The following PSIP1 variants were observed in gnomAD, a reference collection of about 807,000 sequenced individuals.
The protein encoded by PSIP1 is PC4 and SRSF1 interacting protein 1.
Under a neutral mutation model 74.7 loss-of-function variants are expected in PSIP1, and 19 were observed. The ratio of observed to expected loss-of-function variants is 0.25; its 90% CI spans 0.18 to 0.37. The LOEUF (loss-of-function observed/expected upper bound fraction) is 0.37, where lower values mean the gene tolerates loss of function less well. Among genes scored for constraint, PSIP1 ranks in the 10% least tolerant of loss-of-function variants. The pLI, the probability that PSIP1 is intolerant of heterozygous loss-of-function variation, is 1.00. For synonymous variants in PSIP1, 222 were observed against 195.3 expected (o/e 1.14, Z -1.14); for missense variants, 601 against 614.3 (o/e 0.98, Z 0.23).
At position 15,469,877 on chromosome 9, in the gene PSIP1, TG is replaced by T. The variant is rs1275347220; in HGVS notation, c.1033+60del. 4.2e-5 allele frequency: 59 copies of T among 1,393,524 alleles called. No homozygotes were observed. The Middle Eastern group carries it at 1.5e-3, about 36-fold the overall frequency. 86.3% of individuals were successfully genotyped at this position (1,393,524 alleles called of 1,614,324 possible). On this transcript the variant is annotated intron_variant, in intron 11 of 15. Transcript: ENST00000380733. ...TCCAAAACCAATACATGAAAAGTTA[TG>T]TCTATATAACTTCTTTTCCATGTAT...
rs1488962864 is a variant in PSIP1, at chr9:15,464,610, A to G, written c.*910T>C. The G allele has an allele frequency of 5.1e-6, 1 of 197,508 alleles. No individual in the cohort carries two copies. The highest frequency in any genetic ancestry group is 8.0e-5 in the East Asian group (1 of 12,474). 12.2% of individuals were successfully genotyped at this position (197,508 alleles called of 1,614,324 possible). ...GAGTTTCCTTATATAACATTTATTC[A>G]TATTTATTGTATAAGCATCATGATT... On this transcript the variant is annotated 3_prime_UTR_variant, in exon 16 of 16. Coordinates refer to ENST00000380733, the MANE Select transcript of PSIP1 (RefSeq NM_033222.5).
chr9:15,490,227 A>C, intron 3 of PSIP1, 103 bp from the exon 4 acceptor site: 4 of 1,075,342 alleles, frequency 3.7e-6, no homozygotes, highest in Non-Finnish European at 3.8e-6. Context: ...CAGAACCTAA[A>C]CTGCATTACA....
chr9:15,479,469 G>T, intron 7 of PSIP1, 122 bp downstream of exon 7: 1 of 628,088 alleles, frequency 1.6e-6, no homozygotes, highest in Non-Finnish European at 2.7e-6. Flanking sequence ...TTTGAAATCT[G>T]TATGTTACAC....
At chr9:15,483,997 G>A (rs2036448534) in intron 6 of PSIP1, among the ~76,000 whole-genome samples, 1 of 151,026 alleles carries the variant, frequency 6.6e-6, no homozygotes, top group Non-Finnish European at 1.5e-5. Flanking sequence ...GCGTGGTGGT[G>A]CACGTCTGTA....
chr9:15,495,857 T>A (rs2037050121), intron 3 of PSIP1, among the ~76,000 whole-genome samples: 1 of 152,252 alleles, frequency 6.6e-6, no homozygotes, highest in Non-Finnish European at 1.5e-5. Flanking sequence ...ACAATTAGTG[T>A]CTCTCCAACT....
intron 3 of PSIP1, among the ~76,000 whole-genome samples, chr9:15,490,802 C>G (rs2036798415): frequency 6.6e-6 from 1 of 151,228 alleles, no homozygotes; most frequent in African/African-American, 2.4e-5. Flanking sequence ...AGTTTCACTT[C>G]AAAATAACTT....
chr9:15,467,664 A>G lies in PSIP1; in HGVS notation c.1421-805T>C, dbSNP rs2035691601. Among the ~76,000 whole-genome samples, 4 of 152,250 alleles carry G rather than the reference A, an allele frequency of 2.6e-5. No homozygotes were observed. In the South Asian group the frequency reaches 8.3e-4, roughly 31 times the overall value. ...CTGGATGACAAGGACATGAGAAGTT[A>G]TTTCTATTTGTATAAGTTATAAATT... On this transcript the variant is annotated intron_variant, in intron 14 of 15. Coordinates refer to ENST00000380733, the MANE Select transcript of PSIP1 (RefSeq NM_033222.5).
At chr9:15,500,471 CA>C (rs142387253) in intron 3 of PSIP1, among the ~76,000 whole-genome samples, 16 of 136,140 alleles carry the variant, frequency 1.2e-4, no homozygotes, top group East Asian at 8.4e-4. Context: ...ACTCTGTCTC[CA>C]AAAAAAAAAG....
intron 3 of PSIP1, among the ~76,000 whole-genome samples, chr9:15,493,726 G>T (rs979395678): frequency 6.6e-6 from 1 of 152,148 alleles, no homozygotes; most frequent in African/African-American, 2.4e-5. Context: ...CGCAAGCAGG[G>T]GAAATGCCAG....
chr9:15,477,838 G>C (rs111485439), intron 8 of PSIP1, among the ~76,000 whole-genome samples: 27 of 152,042 alleles, frequency 1.8e-4, no homozygotes, highest in African/African-American at 6.5e-4. Flanking sequence ...TTCTAGAGGA[G>C]ATAAAAAAAA....
chr9:15,469,987 A>G lies in PSIP1; in HGVS notation c.984T>C (p.Asn328=). Residue 328 remains asparagine, a synonymous_variant, in exon 11 of 16, where the codon AAT becomes AAC. Transcript: ENST00000380733. ...CTTCTGGCTTCTTTCCTTCATCTTT[A>G]TTCTGCCTATCAAATGTTAACAAAA... ...QEEQMETEQQ[N]KDEGKKPEVK... is the part of the protein sequence containing the mutation. 1 of 1,606,064 alleles carries G rather than the reference A, an allele frequency of 6.2e-7. No individual in the cohort carries two copies. The highest frequency in any genetic ancestry group is 8.5e-7 in the Non-Finnish European group (1 of 1,177,480).
At chr9:15,470,042 A>C (rs767387365) in intron 10 of PSIP1, 49 bp from the exon 11 acceptor site, 9 of 1,424,514 alleles carry the variant, frequency 6.3e-6, no homozygotes, top group Non-Finnish European at 8.8e-6. Flanking sequence ...TTTTGTGACT[A>C]AATGCCCACA....
chr9:15,485,222 G>C (rs1359370884), intron 6 of PSIP1, among the ~76,000 whole-genome samples: 1 of 152,158 alleles, frequency 6.6e-6, no homozygotes, highest in Non-Finnish European at 1.5e-5. Context: ...TTTATGGTGT[G>C]TTAATAATGA....
rs2035464237 is a variant in PSIP1 at position 15,464,356 on chromosome 9, G to T, written c.*1164C>A. On this transcript the variant is annotated 3_prime_UTR_variant, in exon 16 of 16. Transcript: ENST00000380733. Reference sequence around the variant, plus strand: ...ATATTCATATAATTTCAAAACATGAGAAGTATCCTACTTGCTGAGAAGTGC... The same window carrying T: ...ATATTCATATAATTTCAAAACATGATAAGTATCCTACTTGCTGAGAAGTGC... 1 of 194,652 alleles carries T rather than the reference G, an allele frequency of 5.1e-6. No homozygotes were observed. The highest frequency in any genetic ancestry group is 6.1e-5 in the Admixed American group (1 of 16,366). 12.1% of individuals were successfully genotyped at this position (194,652 alleles called of 1,614,324 possible). A position where few individuals can be genotyped will look rare whatever the true frequency, so the allele number is the denominator to read the frequency against.
rs201414846 is a variant in PSIP1 at position 15,506,528 on chromosome 9, C to G, written c.149+33G>C. 421 of 1,474,970 alleles carry G rather than the reference C, an allele frequency of 2.9e-4. No homozygotes were observed. In the Middle Eastern group the frequency reaches 4.0e-3, roughly 14 times the overall value. 91.4% of individuals were successfully genotyped at this position (1,474,970 alleles called of 1,614,324 possible). A position where few individuals can be genotyped will look rare whatever the true frequency, so the allele number is the denominator to read the frequency against. ...CTGCCTAATAACCCTGTTAAATTAGCTCTGATTTGCCTTTAAAGCTAACAG... is the reference window on the plus strand; with the variant it reads ...CTGCCTAATAACCCTGTTAAATTAGGTCTGATTTGCCTTTAAAGCTAACAG... On this transcript the variant is annotated intron_variant, in intron 3 of 15. Coordinates refer to ENST00000380733, the MANE Select transcript of PSIP1 (RefSeq NM_033222.5).
At position 15,485,851 on chromosome 9, in the gene PSIP1, C is replaced by T. The variant is rs926339740; in HGVS notation, c.456+155G>A. The stretch of plus-strand genomic sequence containing the variant: ...GTGCTATATCACTAAGAAAGAAACA[C>T]AGATAGTTTTGCCAAGTAAAACATA... On this transcript the variant is annotated intron_variant, in intron 6 of 15. Transcript: ENST00000380733. The T allele has an allele frequency of 4.4e-5, 26 of 595,604 alleles. No homozygotes were observed. The South Asian group carries it at 6.6e-4, about 15-fold the overall frequency. 36.9% of individuals were successfully genotyped at this position (595,604 alleles called of 1,614,324 possible). A position where few individuals can be genotyped will look rare whatever the true frequency, so the allele number is the denominator to read the frequency against.
intron 3 of PSIP1, among the ~76,000 whole-genome samples, chr9:15,501,496 C>T (rs541077452): frequency 2.0e-5 from 3 of 152,162 alleles, no homozygotes; most frequent in South Asian, 4.2e-4. Flanking sequence ...AAGGCATAAC[C>T]TTCCCCGCAA....
intron 3 of PSIP1, among the ~76,000 whole-genome samples, chr9:15,497,618 C>T (rs575691187): frequency 1.3e-5 from 2 of 152,156 alleles, no homozygotes; most frequent in South Asian, 2.1e-4. Flanking sequence ...AGCCACCGCG[C>T]CCGGCTGATT....
chr9:15,510,572 T>C (rs946027515), intron 1 of PSIP1, among the ~76,000 whole-genome samples: 14 of 151,734 alleles, frequency 9.2e-5, no homozygotes, highest in African/African-American at 3.4e-4. Flanking sequence ...GCCCCATCTT[T>C]CTCCGGGCTT....
Sources: allele counts gnomAD v4.1 joint callset (sites outside exome capture counted in the v4.1 genomes callset), GRCh38; gene constraint gnomAD v4.1.1; transcripts MANE v1.5; gene names NCBI Gene and HGNC (gene_info 2026-07-23, HGNC 2026-07-21).